IL34: variants seen among roughly 807,000 people sequenced by gnomAD.
IL34 encodes interleukin 34.
IL34 carries 17 observed loss-of-function variants against 25.3 expected under a neutral mutation model. That is an observed-to-expected ratio of 0.67 (90% CI 0.46 to 1.01). The LOEUF (loss-of-function observed/expected upper bound fraction) is 1.01, where lower values mean the gene tolerates loss of function less well. IL34 is among the 50% of genes least tolerant of loss of function. IL34 has a pLI of 0.00. For synonymous variants in IL34, 174 were observed against 140.9 expected, an observed-to-expected ratio of 1.23 and a Z score of -1.66; for missense variants, 368 against 312.9, an observed-to-expected ratio of 1.18 and a Z score of -1.33.
At chr16:70,601,051 A>T (rs2050908647) in intron 1 of IL34, among the ~76,000 whole-genome samples, 1 of 151,788 alleles carries the variant, frequency 6.6e-6, no homozygotes, top group Non-Finnish European at 1.5e-5. Flanking sequence ...GAAGTAGGGG[A>T]TGCTGGGAGA....
chr16:70,652,072 G>A (rs993820073), intron 1 of IL34, among the ~76,000 whole-genome samples: 1 of 151,984 alleles, frequency 6.6e-6, no homozygotes, highest in Non-Finnish European at 1.5e-5. Flanking sequence ...AGGTTGCAGT[G>A]AGCCAAGATT....
chr16:70,655,009 A>G (rs926332894), intron 2 of IL34, among the ~76,000 whole-genome samples: 1 of 151,966 alleles, frequency 6.6e-6, no homozygotes, highest in African/African-American at 2.4e-5. Flanking sequence ...AGAAATCGGA[A>G]TATTTGGTTC....
At chr16:70,593,048 A>C (rs2050775333) in intron 1 of IL34, among the ~76,000 whole-genome samples, 1 of 152,036 alleles carries the variant, frequency 6.6e-6, no homozygotes, top group Non-Finnish European at 1.5e-5. Flanking sequence ...GCTGGTCTCG[A>C]ACTGCTGGCC....
At chr16:70,630,968 T>C (rs1221102327) in intron 1 of IL34, among the ~76,000 whole-genome samples, 1 of 152,202 alleles carries the variant, frequency 6.6e-6, no homozygotes, top group African/African-American at 2.4e-5. Context: ...AGTGCCGATA[T>C]GTCTTCAATA....
At chr16:70,584,742 C>T (rs747731782) in intron 1 of IL34, among the ~76,000 whole-genome samples, 2 of 151,778 alleles carry the variant, frequency 1.3e-5, no homozygotes, top group African/African-American at 4.8e-5. Context: ...GGTCTGTCAG[C>T]GAAGCTAGAG....
intron 1 of IL34, among the ~76,000 whole-genome samples, chr16:70,648,213 C>T (rs1048691956): frequency 4.6e-5 from 7 of 152,114 alleles, no homozygotes; most frequent in Non-Finnish European, 7.4e-5. Context: ...CTGCTGTCAC[C>T]GTCTGTGCAG....
In IL34 at chr16:70,587,135, C is replaced by G. The variant is rs559321979; in HGVS notation, c.-401+7086C>G. 8.9e-4 allele frequency among the ~76,000 whole-genome samples: 136 copies of G among 152,282 alleles called. 3 individuals carry two copies. Among genetic ancestry groups the G allele is most frequent in the Admixed American group, 8.8e-3 (135 of 15,300 alleles). On this transcript the variant is annotated intron_variant, in intron 1 of 6. Transcript: ENST00000429149. ...GGGTGGTCTCCTTTGGAGTCACTGC[C>G]TCCTCCCTAGCCAGGCCCTGGGTGG...
intron 1 of IL34, among the ~76,000 whole-genome samples, chr16:70,607,467 A>G (rs1194555780): frequency 2.6e-5 from 4 of 152,216 alleles, no homozygotes; most frequent in Admixed American, 2.0e-4. Flanking sequence ...CTTCCTTTCC[A>G]ATATGCATCC....
chr16:70,596,097 C>G (rs1395223083), intron 1 of IL34, among the ~76,000 whole-genome samples: 3 of 151,890 alleles, frequency 2.0e-5, no homozygotes, highest in East Asian at 1.9e-4. Flanking sequence ...AGACCAAGAT[C>G]AAGGCGCTGA....
At chr16:70,598,136 G>A (rs149925704) in intron 1 of IL34, among the ~76,000 whole-genome samples, 2 of 152,134 alleles carry the variant, frequency 1.3e-5, no homozygotes, top group East Asian at 1.9e-4. Context: ...ATAAGGCACC[G>A]CGCCTGGTTG....
chr16:70,596,531 G>C (rs146800176), intron 1 of IL34, among the ~76,000 whole-genome samples: 99 of 152,262 alleles, frequency 6.5e-4, no homozygotes, highest in Non-Finnish European at 1.3e-3. Context: ...GGAGGTGACT[G>C]TCTTCCACAT....
intron 2 of IL34, among the ~76,000 whole-genome samples, chr16:70,654,898 A>C (rs2052176474): frequency 6.6e-6 from 1 of 151,972 alleles, no homozygotes; most frequent in South Asian, 2.1e-4. Context: ...ATCTCACTTT[A>C]ATCCCACCTC....
chr16:70,638,496 G>T (rs913720908), intron 1 of IL34, among the ~76,000 whole-genome samples: 2 of 152,134 alleles, frequency 1.3e-5, no homozygotes, highest in African/African-American at 4.8e-5. Flanking sequence ...CTTCCCTGGG[G>T]AAACTTTCCT....
At chr16:70,626,422 G>A (rs1201200884) in intron 1 of IL34, among the ~76,000 whole-genome samples, 1 of 152,136 alleles carries the variant, frequency 6.6e-6, no homozygotes, top group Admixed American at 6.6e-5. Context: ...TTGAATCAGA[G>A]TTTTGCTTTT....
rs1323575247 is a variant in IL34, at chr16:70,604,936, C to G, written c.-401+24887C>G. 2.0e-5 allele frequency among the ~76,000 whole-genome samples: 3 copies of G among 148,610 alleles called. No individual in the cohort carries two copies. In the East Asian group the frequency reaches 5.8e-4, roughly 29 times the overall value. On this transcript the variant is annotated intron_variant, in intron 1 of 6. Coordinates refer to the IL34 transcript ENST00000429149. ...TGTGTGCATGTGTGTGTGTGCATGT[C>G]TGTGTGTGTGCATGTCTGTGTGTGT...
intron 1 of IL34, among the ~76,000 whole-genome samples, chr16:70,585,949 T>G (rs531795264): frequency 6.6e-6 from 1 of 151,482 alleles, no homozygotes; most frequent in South Asian, 2.1e-4. Flanking sequence ...TTCTCCTGCC[T>G]CAGCCTCCCA....
intron 4 of IL34, chr16:70,657,408 A>G (rs1238610904): frequency 5.5e-6 from 2 of 361,222 alleles, no homozygotes; most frequent in African/African-American, 4.1e-5. Context: ...AAGTCATCGT[A>G]CCCTCTTTGT....
intron 1 of IL34, among the ~76,000 whole-genome samples, chr16:70,609,199 C>G (rs963512304): frequency 6.6e-6 from 1 of 152,182 alleles, no homozygotes; most frequent in Non-Finnish European, 1.5e-5. Context: ...CTGCCTCAGC[C>G]TTCCATGTAG....
intron 1 of IL34, among the ~76,000 whole-genome samples, chr16:70,626,023 G>A (rs982872814): frequency 7.9e-5 from 12 of 152,194 alleles, no homozygotes; most frequent in Admixed American, 1.3e-4. Flanking sequence ...TTTCATGCGC[G>A]TCCATGAGAA....
Sources: gnomAD v4.1 joint callset for allele counts (sites outside exome capture counted in the v4.1 genomes callset) on GRCh38, gnomAD v4.1.1 for gene constraint, MANE v1.5 for transcripts, NCBI Gene and HGNC (gene_info 2026-07-23, HGNC 2026-07-21) for gene names.